SLC7A11: variants seen among roughly 807,000 people sequenced by gnomAD.
The protein encoded by SLC7A11 is cystine/glutamate transporter.
Under a neutral mutation model 54.5 loss-of-function variants are expected in SLC7A11, and 35 were observed. The ratio of observed to expected loss-of-function variants is 0.64; its 90% CI spans 0.49 to 0.85. The LOEUF is 0.85. Ranked by LOEUF, SLC7A11 falls within the 40% of genes least tolerant of loss-of-function variation. The pLI is 0.00. For missense variants in SLC7A11, 583 were observed against 618.1 expected (o/e 0.94, Z 0.60); for synonymous variants, 230 against 225.2 (o/e 1.02, Z -0.19).
intron 5 of SLC7A11, among the ~76,000 whole-genome samples, chr4:138,217,777 C>T (rs1737714573): frequency 6.6e-6 from 1 of 152,206 alleles, no homozygotes; most frequent in African/African-American, 2.4e-5. Flanking sequence ...AGTGACCCTC[C>T]CAGTAGCTTG....
At chr4:138,225,574 T>C (rs1330626728) in intron 3 of SLC7A11, among the ~76,000 whole-genome samples, 1 of 152,128 alleles carries the variant, frequency 6.6e-6, no homozygotes. Flanking sequence ...AAGGCACTTA[T>C]ATATGGAAAA....
At chr4:138,191,175 T>C (rs1005084111) in intron 6 of SLC7A11, among the ~76,000 whole-genome samples, 1 of 152,166 alleles carries the variant, frequency 6.6e-6, no homozygotes. Flanking sequence ...TAATGATGAT[T>C]CTGGGCCAAG....
chr4:138,236,558 TC>T (rs1738212866), intron 1 of SLC7A11, 107 bp from the exon 2 acceptor site: 2 of 1,074,184 alleles, frequency 1.9e-6, no homozygotes, highest in Non-Finnish European at 2.7e-6. Context: ...TGTAACTGCC[TC>T]CTTTGGTCTG....
At chr4:138,180,336 A>G (rs1035912843) in intron 10 of SLC7A11, among the ~76,000 whole-genome samples, 2 of 152,128 alleles carry the variant, frequency 1.3e-5, no homozygotes, top group Admixed American at 1.3e-4. Context: ...AGTAGCCCAT[A>G]CTTTGAGTAT....
At chr4:138,226,717 C>T (rs1016666269) in intron 3 of SLC7A11, among the ~76,000 whole-genome samples, 1 of 152,122 alleles carries the variant, frequency 6.6e-6, no homozygotes, top group Non-Finnish European at 1.5e-5. Flanking sequence ...TTCTAAGTTT[C>T]TGAAACAAAT....
Position 138,168,169 on chromosome 4 carries a change from T to C in SLC7A11, c.*3787A>G. On this transcript the variant is annotated 3_prime_UTR_variant, in exon 12 of 12. Coordinates refer to ENST00000280612, the MANE Select transcript of SLC7A11 (RefSeq NM_014331.4). ...TGCTGGTCTTCTTCAACAAAATTAGTACAGAATTCCTAATACAAAGTTAGG... is the reference window on the plus strand; with the variant it reads ...TGCTGGTCTTCTTCAACAAAATTAGCACAGAATTCCTAATACAAAGTTAGG... 6.6e-6 allele frequency: 1 copy of C among 152,302 alleles called. No individual in the cohort carries two copies. 9.4% of individuals were successfully genotyped at this position (152,302 alleles called of 1,614,324 possible).
chr4:138,210,491 T>C (rs1477542207), intron 6 of SLC7A11, among the ~76,000 whole-genome samples: 1 of 152,032 alleles, frequency 6.6e-6, no homozygotes, highest in South Asian at 2.1e-4. Flanking sequence ...TCACAAACTA[T>C]GTATCTGACA....
chr4:138,234,155 C>T (rs570413290), intron 2 of SLC7A11, among the ~76,000 whole-genome samples: 13 of 152,102 alleles, frequency 8.5e-5, no homozygotes, highest in Non-Finnish European at 1.8e-4. Context: ...ACAGTTTTAC[C>T]TCCAGTGTTT....
At chr4:138,226,347 T>C (rs1435904701) in intron 3 of SLC7A11, among the ~76,000 whole-genome samples, 1 of 152,190 alleles carries the variant, frequency 6.6e-6, no homozygotes, top group Admixed American at 6.5e-5. Context: ...CATCACACTT[T>C]ATCAAACTGT....
intron 5 of SLC7A11, 101 bp downstream of exon 5, chr4:138,219,165 G>T: frequency 1.4e-6 from 1 of 701,616 alleles, no homozygotes; most frequent in Non-Finnish European, 2.6e-6. Context: ...ACTGGATTAT[G>T]GCTATTCACA....
At chr4:138,221,784 T>C (rs1330402424) in intron 4 of SLC7A11, among the ~76,000 whole-genome samples, 1 of 152,226 alleles carries the variant, frequency 6.6e-6, no homozygotes, top group Non-Finnish European at 1.5e-5. Context: ...CTACCTATAG[T>C]ATCTTACATT....
At chr4:138,219,150 A>G (rs1737746084) in intron 5 of SLC7A11, 116 bp downstream of exon 5, 8 of 642,416 alleles carry the variant, frequency 1.2e-5, no homozygotes, top group East Asian at 2.7e-5. Flanking sequence ...AGTAAAGCCT[A>G]TCACACTGGA....
chr4:138,208,354 G>C (rs1737459354), intron 6 of SLC7A11, among the ~76,000 whole-genome samples: 1 of 152,046 alleles, frequency 6.6e-6, no homozygotes, highest in African/African-American at 2.4e-5. Flanking sequence ...AAGGCTAATA[G>C]ACAAAGTGGC....
chr4:138,242,209 A>C lies in SLC7A11; in HGVS notation c.-140T>G. 1 of 960,204 alleles carries C rather than the reference A, an allele frequency of 1.0e-6. No homozygotes were observed. The highest frequency in any genetic ancestry group is 1.5e-6 in the Non-Finnish European group (1 of 658,766). The allele number at this position is 960,204 out of a possible 1,614,324, so 59.5% of individuals were successfully genotyped here. On this transcript the variant is annotated 5_prime_UTR_variant, in exon 1 of 12. Coordinates refer to ENST00000280612, the MANE Select transcript of SLC7A11 (RefSeq NM_014331.4). ...CAGCGCTATAGTGTTCACAGGTGAA[A>C]ACTCAAAGGTGTGCTTTTTCCTTCA... is the stretch of plus-strand genomic sequence containing the variant.
chr4:138,196,574 C>T (rs1003443784), intron 6 of SLC7A11, among the ~76,000 whole-genome samples: 1 of 151,770 alleles, frequency 6.6e-6, no homozygotes, highest in Non-Finnish European at 1.5e-5. Context: ...GATGAAGCAC[C>T]ATGGGGAAAA....
intron 4 of SLC7A11, among the ~76,000 whole-genome samples, chr4:138,221,524 A>G (rs1737811806): frequency 6.6e-6 from 1 of 152,228 alleles, no homozygotes; most frequent in Non-Finnish European, 1.5e-5. Flanking sequence ...TGTTAAATTT[A>G]CATTAAATGC....
Position 138,219,281 on chromosome 4 carries a change from T to C in SLC7A11, c.731A>G (p.Tyr244Cys). Reference protein sequence around the residue: ...RLPLAFYYGMYAYAGWFYLNF... With the variant: ...RLPLAFYYGMCAYAGWFYLNF... ...ATCAACTTACCAGCCAGCATATGCA[T>C]ACATTCCATAATAAAAAGCCAGTGG... The change falls in exon 5 of 12, where the codon TAT (tyrosine) becomes TGT (cysteine). Residue 244 changes from tyrosine to cysteine, a missense_variant. Tyr to Cys is a radical substitution (Grantham distance 194, BLOSUM62 -2). Coordinates refer to ENST00000280612, the MANE Select transcript of SLC7A11 (RefSeq NM_014331.4). The C allele has an allele frequency of 6.3e-7, 1 of 1,595,730 alleles. No individual in the cohort carries two copies. Among genetic ancestry groups the C allele is most frequent in the Non-Finnish European group, 8.6e-7 (1 of 1,163,304 alleles).
chr4:138,210,900 T>A (rs544238322), intron 6 of SLC7A11, among the ~76,000 whole-genome samples: 1 of 152,194 alleles, frequency 6.6e-6, no homozygotes, highest in South Asian at 2.1e-4. Context: ...ATTGGTTATA[T>A]ATCCAGAGGA....
At chr4:138,178,035 C>T (rs1468200884) in intron 11 of SLC7A11, 2 of 152,138 alleles carry the variant, frequency 1.3e-5, no homozygotes, top group Non-Finnish European at 2.9e-5. Context: ...TGACTTTCAG[C>T]TATTCTACTT....
Sources: allele counts gnomAD v4.1 joint callset (sites outside exome capture counted in the v4.1 genomes callset), GRCh38; gene constraint gnomAD v4.1.1; transcripts MANE v1.5; gene names NCBI Gene and HGNC (gene_info 2026-07-23, HGNC 2026-07-21).